CCDC83: variants seen among roughly 807,000 people sequenced by gnomAD.
CCDC83 encodes coiled-coil domain-containing protein 83.
In CCDC83, 54 loss-of-function variants were observed where a neutral mutation model predicts 50.1. That is an observed-to-expected ratio of 1.08 (90% CI 0.87 to 1.35). The LOEUF is 1.35. Ranked by LOEUF, CCDC83 falls within the 40% of genes most tolerant of loss-of-function variation. CCDC83 has a pLI of 0.00. For synonymous variants in CCDC83, 161 were observed against 153.3 expected (o/e 1.05, Z -0.37); for missense variants, 518 against 473.9 (o/e 1.09, Z -0.86).
chr11:85,859,458 G>A (rs994385879), intron 1 of CCDC83, among the ~76,000 whole-genome samples: 1 of 152,142 alleles, frequency 6.6e-6, no homozygotes. Context: ...ACATGGTACT[G>A]TTACAAAAAC....
rs189417056 is a variant in CCDC83 at position 85,905,335 on chromosome 11, G to A, written c.673-5946G>A. 4.6e-3 allele frequency among the ~76,000 whole-genome samples: 695 copies of A among 152,072 alleles called. 3 individuals carry two copies. Among genetic ancestry groups the A allele is most frequent in the Non-Finnish European group, 7.8e-3 (533 of 67,998 alleles). ...TGCATGCCTGTAATCCCAGCTACTC[G>A]GGAGGCTGAGGCAGGAGAATTGCTT... On this transcript the variant is annotated intron_variant, in intron 7 of 10. Transcript: ENST00000342404.
chr11:85,887,415 T>TC lies in CCDC83; in HGVS notation c.511+1053dup, dbSNP rs199987301. Among the ~76,000 whole-genome samples, 588 of 152,276 alleles carry TC rather than the reference T, an allele frequency of 3.9e-3. 4 individuals are homozygous for TC. Among genetic ancestry groups the TC allele is most frequent in the African/African-American group, 0.012 (501 of 41,546 alleles). On this transcript the variant is annotated intron_variant, in intron 5 of 10. Coordinates refer to ENST00000342404, the MANE Select transcript of CCDC83 (RefSeq NM_001286159.2). ...GGGGTTCCTGTGGGTGGTTCCCATG[T>TC]CCCCCTATCAGGGCTCTCTGCTTGT...
intron 7 of CCDC83, among the ~76,000 whole-genome samples, chr11:85,899,335 C>G (rs1447495082): frequency 1.3e-5 from 2 of 152,164 alleles, no homozygotes; most frequent in African/African-American, 2.4e-5. Context: ...GTCTAAAGGA[C>G]CATTCTAAGC....
intron 5 of CCDC83, among the ~76,000 whole-genome samples, chr11:85,887,922 T>A (rs1307204519): frequency 1.3e-5 from 2 of 151,432 alleles, no homozygotes; most frequent in Non-Finnish European, 2.9e-5. Context: ...CCCATCTCAG[T>A]CTCCTGAGTA....
chr11:85,902,692 T>C (rs920029644), intron 7 of CCDC83, among the ~76,000 whole-genome samples: 1 of 152,114 alleles, frequency 6.6e-6, no homozygotes, highest in Admixed American at 6.5e-5. Flanking sequence ...GCCAGAAACT[T>C]GGGAGTTAAG....
At chr11:85,891,642 AC>A (rs911980243) in intron 5 of CCDC83, among the ~76,000 whole-genome samples, 1 of 152,208 alleles carries the variant, frequency 6.6e-6, no homozygotes, top group African/African-American at 2.4e-5. Context: ...AAGACTCCGT[AC>A]AAAAAAGTAA....
intron 4 of CCDC83, among the ~76,000 whole-genome samples, chr11:85,883,288 C>A (rs987876067): frequency 5.3e-5 from 8 of 151,246 alleles, no homozygotes; most frequent in Non-Finnish European, 8.8e-5. Context: ...TGTTCTTTTT[C>A]TTTTTTTTCT....
chr11:85,917,072 T>C (rs1199608290), intron 10 of CCDC83, among the ~76,000 whole-genome samples: 1 of 146,302 alleles, frequency 6.8e-6, no homozygotes, highest in Non-Finnish European at 1.5e-5. Flanking sequence ...GACTGTATCA[T>C]TGCACTCCAG....
chr11:85,867,784 C>T (rs1055886920), intron 2 of CCDC83, among the ~76,000 whole-genome samples: 1 of 152,126 alleles, frequency 6.6e-6, no homozygotes, highest in African/African-American at 2.4e-5. Flanking sequence ...AAAAGGCAAA[C>T]GTTTAAAAAT....
In CCDC83 at chr11:85,915,415, T is replaced by C. The variant is rs769486370; in HGVS notation, c.795-4T>C. On this transcript the variant is annotated splice_polypyrimidine_tract_variant and splice_region_variant and intron_variant, in intron 8 of 10. Coordinates refer to ENST00000342404, the MANE Select transcript of CCDC83 (RefSeq NM_001286159.2). ...CAGATTGTTTTTCTCATTTGTTCTT[T>C]TAGGCGACTATATCTTACCCAAGCT... 6.2e-7 allele frequency: 1 copy of C among 1,605,020 alleles called. No individual in the cohort carries two copies.
In CCDC83 at chr11:85,897,665, C is replaced by G. The variant is rs1348931607; in HGVS notation, c.604-1282C>G. 2.0e-5 allele frequency among the ~76,000 whole-genome samples: 3 copies of G among 152,150 alleles called. No individual in the cohort carries two copies. The South Asian group carries it at 6.2e-4, about 32-fold the overall frequency. On this transcript the variant is annotated intron_variant, in intron 6 of 10. Coordinates refer to ENST00000342404, the MANE Select transcript of CCDC83 (RefSeq NM_001286159.2). ...AATCACTGATCCACTGTTAGTGAAT[C>G]CAGCCATTAGCCAATTAACTTCAGT...
chr11:85,917,163 AGAG>A (rs1402619151), intron 10 of CCDC83, among the ~76,000 whole-genome samples: 94 of 99,108 alleles, frequency 9.5e-4, no homozygotes, highest in Non-Finnish European at 1.5e-3. Flanking sequence ...AGAGAGAGAG[AGAG>A]AGAAAGAAAG....
intron 8 of CCDC83, chr11:85,912,860 T>C: frequency 1.4e-6 from 1 of 707,630 alleles, no homozygotes; most frequent in East Asian, 2.5e-5. Flanking sequence ...TCTACCTGGA[T>C]CAACTCAGTC....
intron 1 of CCDC83, among the ~76,000 whole-genome samples, chr11:85,859,049 A>G (rs1164621405): frequency 1.3e-5 from 2 of 151,958 alleles, no homozygotes; most frequent in African/African-American, 4.8e-5. Flanking sequence ...TTGTAACAAG[A>G]TAATTCCTAT....
At chr11:85,868,341 T>A (rs185981166) in intron 2 of CCDC83, among the ~76,000 whole-genome samples, 1 of 152,220 alleles carries the variant, frequency 6.6e-6, no homozygotes, top group African/African-American at 2.4e-5. Flanking sequence ...GATTATGATA[T>A]AGATTTTTTT....
At chr11:85,889,525 T>C (rs554288346) in intron 5 of CCDC83, among the ~76,000 whole-genome samples, 2 of 152,240 alleles carry the variant, frequency 1.3e-5, no homozygotes, top group Non-Finnish European at 2.9e-5. Context: ...CCATTAGTTT[T>C]AGGGACTTGT....
At chr11:85,876,291 T>C (rs1170980259) in intron 3 of CCDC83, among the ~76,000 whole-genome samples, 2 of 152,204 alleles carry the variant, frequency 1.3e-5, no homozygotes, top group Non-Finnish European at 2.9e-5. Flanking sequence ...TTCATATCTA[T>C]ATTTGATAAA....
At chr11:85,885,797 C>A (rs113691174) in intron 4 of CCDC83, among the ~76,000 whole-genome samples, 6 of 152,320 alleles carry the variant, frequency 3.9e-5, no homozygotes, top group African/African-American at 1.4e-4. Context: ...AAGTTGAAAT[C>A]ACTTTTGCTC....
intron 5 of CCDC83, among the ~76,000 whole-genome samples, chr11:85,894,004 C>T (rs1293091640): frequency 6.6e-6 from 1 of 151,876 alleles, no homozygotes; most frequent in East Asian, 1.9e-4. Context: ...ATCAGGGCTC[C>T]CACTGATTCT....
Sources: gnomAD v4.1 joint callset for allele counts (sites outside exome capture counted in the v4.1 genomes callset) on GRCh38, gnomAD v4.1.1 for gene constraint, MANE v1.5 for transcripts, NCBI Gene and HGNC (gene_info 2026-07-23, HGNC 2026-07-21) for gene names.